The following ITPR2 variants were observed in gnomAD, a reference collection of about 807,000 sequenced individuals.
ITPR2 encodes the protein inositol 1,4,5-trisphosphate receptor type 2, also known as inositol 1,4,5-trisphosphate-gated calcium channel ITPR2.
Under a neutral mutation model 317.1 loss-of-function variants are expected in ITPR2, and 207 were observed. That is an observed-to-expected ratio of 0.65 (90% confidence interval 0.58 to 0.73). The LOEUF (loss-of-function observed/expected upper bound fraction) is 0.73, where lower values mean the gene tolerates loss of function less well. Ranked by LOEUF, ITPR2 falls within the 30% of genes least tolerant of loss-of-function variation. The pLI is 0.00. For synonymous variants in ITPR2, 1,156 were observed against 1,149.1 expected, an observed-to-expected ratio of 1.01 and a Z score of -0.12; for missense variants, 2,613 against 3,284.0, an observed-to-expected ratio of 0.80 and a Z score of 4.99.
chr12:26,351,057 C>A (rs1476523354), intron 55 of ITPR2, among the ~76,000 whole-genome samples: 1 of 152,192 alleles, frequency 6.6e-6, no homozygotes, highest in African/African-American at 2.4e-5. Flanking sequence ...GGCCTCTTAT[C>A]AATAACTTTA....
intron 1 of ITPR2, among the ~76,000 whole-genome samples, chr12:26,823,496 C>T (rs1950968576): frequency 6.6e-6 from 1 of 152,200 alleles, no homozygotes; most frequent in Non-Finnish European, 1.5e-5. Flanking sequence ...TAATTAAAAA[C>T]AGCTTAATAT....
chr12:26,344,025 T>TG (rs1344036884), intron 55 of ITPR2, among the ~76,000 whole-genome samples: 1 of 151,814 alleles, frequency 6.6e-6, no homozygotes, highest in African/African-American at 2.4e-5. Flanking sequence ...CTCATGGGGG[T>TG]GGGGATTGGT....
chr12:26,572,539 G>A (rs1452235260), intron 34 of ITPR2, among the ~76,000 whole-genome samples: 2 of 152,174 alleles, frequency 1.3e-5, no homozygotes, highest in African/African-American at 4.8e-5. Context: ...GAATGGAATC[G>A]TTAAGTAGAC....
At chr12:26,815,005 T>C (rs913390865) in intron 1 of ITPR2, among the ~76,000 whole-genome samples, 2 of 152,218 alleles carry the variant, frequency 1.3e-5, no homozygotes, top group Non-Finnish European at 2.9e-5. Flanking sequence ...TTTTGCCAAT[T>C]CCTCTAACAG....
chr12:26,750,626 C>G (rs1949397266), intron 2 of ITPR2, among the ~76,000 whole-genome samples: 1 of 152,158 alleles, frequency 6.6e-6, no homozygotes, highest in East Asian at 1.9e-4. Context: ...CAGTATTGCT[C>G]CAGGCAAAAT....
In ITPR2 at chr12:26,631,628, C is replaced by T. The variant is rs115704511; in HGVS notation, c.2934+238G>A. Among the ~76,000 whole-genome samples, 1,033 of 152,060 alleles carry T rather than the reference C, an allele frequency of 6.8e-3. 10 individuals are homozygous for T. Among genetic ancestry groups the T allele is most frequent in the African/African-American group, 0.023 (946 of 41,488 alleles). On this transcript the variant is annotated intron_variant, in intron 22 of 56. Transcript: ENST00000381340. Reference sequence around the variant, plus strand: ...AAAGCAGTTTATCAACCTCAAAGCACCCCACAATTGTTAGATATGATCATT... The same window carrying T: ...AAAGCAGTTTATCAACCTCAAAGCATCCCACAATTGTTAGATATGATCATT...
At chr12:26,384,188 T>C (rs951632510) in intron 55 of ITPR2, among the ~76,000 whole-genome samples, 1 of 152,220 alleles carries the variant, frequency 6.6e-6, no homozygotes, top group Non-Finnish European at 1.5e-5. Flanking sequence ...GCTTCAACTT[T>C]CCACGTGCTA....
At chr12:26,536,653 T>C (rs1944100783) in intron 37 of ITPR2, among the ~76,000 whole-genome samples, 1 of 152,158 alleles carries the variant, frequency 6.6e-6, no homozygotes, top group Non-Finnish European at 1.5e-5. Context: ...CAGCAAGAAC[T>C]GGGTGGTGGA....
chr12:26,737,874 G>A (rs1372619406), intron 2 of ITPR2, among the ~76,000 whole-genome samples: 1 of 152,138 alleles, frequency 6.6e-6, no homozygotes, highest in Non-Finnish European at 1.5e-5. Flanking sequence ...TGCAGTATCG[G>A]AAGCATGATG....
At chr12:26,572,974 T>C (rs1462713598) in intron 34 of ITPR2, among the ~76,000 whole-genome samples, 1 of 119,226 alleles carries the variant, frequency 8.4e-6, no homozygotes, top group African/African-American at 2.7e-5. Context: ...ATAAAATTCG[T>C]ACTCAAAAGA....
At position 26,486,151 on chromosome 12, in the gene ITPR2, G is replaced by T; in HGVS notation, c.5764C>A (p.Leu1922Met). ...TCACACAGTAACTGAAGAAATCTCAGTATTGGCTGCATGATGGCAATTGCG... is the reference window on the plus strand; with the variant it reads ...TCACACAGTAACTGAAGAAATCTCATTATTGGCTGCATGATGGCAATTGCG... ...SPAIAIMQPI[L>M]RFLQLLCENH... The change falls in exon 41 of 57, where the codon CTG (leucine) becomes ATG (methionine). Residue 1922 changes from leucine to methionine, a missense_variant. Physicochemically the swap from Leu to Met is conservative, Grantham distance 15. Transcript: ENST00000381340. 1.2e-6 allele frequency: 2 copies of T among 1,614,134 alleles called. No homozygotes were observed. The highest frequency in any genetic ancestry group is 1.7e-6 in the Non-Finnish European group (2 of 1,179,982).
At chr12:26,554,252 C>A (rs1944604294) in intron 36 of ITPR2, among the ~76,000 whole-genome samples, 4 of 152,160 alleles carry the variant, frequency 2.6e-5, no homozygotes, top group Admixed American at 2.0e-4. Flanking sequence ...AATTTGGTAG[C>A]CATTAGCCAC....
chr12:26,820,150 G>A (rs561654567), intron 1 of ITPR2, among the ~76,000 whole-genome samples: 5 of 152,064 alleles, frequency 3.3e-5, no homozygotes, highest in Non-Finnish European at 7.4e-5. Flanking sequence ...TGTGTAGAGA[G>A]AGATGACACA....
At chr12:26,546,448 G>T (rs1944392079) in intron 37 of ITPR2, among the ~76,000 whole-genome samples, 1 of 152,040 alleles carries the variant, frequency 6.6e-6, no homozygotes, top group Non-Finnish European at 1.5e-5. Context: ...TGTAGTATTT[G>T]TCTTTTTGTA....
At chr12:26,365,459 G>A (rs1327267524) in intron 55 of ITPR2, among the ~76,000 whole-genome samples, 1 of 152,030 alleles carries the variant, frequency 6.6e-6, no homozygotes, top group African/African-American at 2.4e-5. Flanking sequence ...GAGTTCAGAA[G>A]TAATAGATCA....
intron 37 of ITPR2, among the ~76,000 whole-genome samples, chr12:26,496,696 C>A (rs1265344774): frequency 1.3e-5 from 2 of 152,078 alleles, no homozygotes; most frequent in South Asian, 2.1e-4. Context: ...ATAATCCCAG[C>A]ACTTTGGGAG....
rs144009954 is a variant in ITPR2 at position 26,578,316 on chromosome 12, T to C, written c.4630+397A>G. Among the ~76,000 whole-genome samples the C allele has an allele frequency of 7.2e-4, 110 of 152,228 alleles. 1 individual carries two copies. The East Asian group carries it at 0.014, about 19-fold the overall frequency. ...TTTGTAATTTCTGAAGCCTTGAATA[T>C]TGACACACTTCAAACAAAATTGGAA... On this transcript the variant is annotated intron_variant, in intron 34 of 56. Coordinates refer to ENST00000381340, the MANE Select transcript of ITPR2 (RefSeq NM_002223.4).
chr12:26,644,115 C>A (rs915102227), intron 21 of ITPR2, among the ~76,000 whole-genome samples: 3 of 152,158 alleles, frequency 2.0e-5, no homozygotes, highest in African/African-American at 7.2e-5. Flanking sequence ...ATCAGGGATG[C>A]CCCTCCCATC....
intron 37 of ITPR2, among the ~76,000 whole-genome samples, chr12:26,529,142 A>G (rs1400655596): frequency 6.6e-6 from 1 of 152,230 alleles, no homozygotes; most frequent in East Asian, 1.9e-4. Context: ...TCTACACTTA[A>G]GCTGACACAG....
Sources: gnomAD v4.1 joint callset for allele counts (sites outside exome capture counted in the v4.1 genomes callset) on GRCh38, gnomAD v4.1.1 for gene constraint, MANE v1.5 for transcripts, NCBI Gene and HGNC (gene_info 2026-07-23, HGNC 2026-07-21) for gene names.